STXBP5L: variants seen among roughly 807,000 people sequenced by gnomAD.
STXBP5L encodes syntaxin-binding protein 5-like.
Under a neutral mutation model 144.5 loss-of-function variants are expected in STXBP5L, and 65 were observed. That is an observed-to-expected ratio of 0.45 (90% CI 0.37 to 0.55). The LOEUF (loss-of-function observed/expected upper bound fraction) is 0.55. Ranked by LOEUF, STXBP5L falls within the 20% of genes least tolerant of loss-of-function variation. The probability of loss-of-function intolerance (pLI) is 0.00; values close to 1 mark genes in which losing one functional copy is unlikely to be tolerated. For synonymous variants in STXBP5L, 505 were observed against 469.6 expected (o/e 1.08, Z -0.97); for missense variants, 1,298 against 1,405.5 (o/e 0.92, Z 1.22).
chr3:121,051,074 G>C (rs1947944103), intron 5 of STXBP5L, among the ~76,000 whole-genome samples: 2 of 152,166 alleles, frequency 1.3e-5, no homozygotes, highest in African/African-American at 4.8e-5. Flanking sequence ...GGAGCACCCA[G>C]ATTCATAAAG....
intron 23 of STXBP5L, among the ~76,000 whole-genome samples, chr3:121,407,894 T>C (rs1029758725): frequency 1.3e-5 from 2 of 152,032 alleles, no homozygotes; most frequent in Non-Finnish European, 2.9e-5. Flanking sequence ...TCAACAAATA[T>C]TTATTGAGCA....
At chr3:121,132,912 C>G (rs1164892334) in intron 7 of STXBP5L, among the ~76,000 whole-genome samples, 1 of 152,056 alleles carries the variant, frequency 6.6e-6, no homozygotes, top group South Asian at 2.1e-4. Flanking sequence ...AACCCAAAGA[C>G]AGGTAACTAG....
intron 19 of STXBP5L, among the ~76,000 whole-genome samples, chr3:121,293,132 C>A (rs2051508718): frequency 6.6e-6 from 1 of 151,842 alleles, no homozygotes; most frequent in South Asian, 2.1e-4. Context: ...CTCTGCTCCG[C>A]AATAAAAAAG....
At chr3:121,274,455 T>G (rs1179035585) in intron 18 of STXBP5L, among the ~76,000 whole-genome samples, 1 of 152,266 alleles carries the variant, frequency 6.6e-6, no homozygotes, top group African/African-American at 2.4e-5. Flanking sequence ...GAGTTTCTCC[T>G]ATTCAACTTT....
At chr3:121,347,416 G>A (rs949535604) in intron 20 of STXBP5L, among the ~76,000 whole-genome samples, 6 of 152,146 alleles carry the variant, frequency 3.9e-5, no homozygotes, top group Non-Finnish European at 7.4e-5. Context: ...TCTTGGCTTA[G>A]GATTGACTTG....
intron 3 of STXBP5L, among the ~76,000 whole-genome samples, chr3:120,961,091 T>C (rs1235962670): frequency 5.9e-5 from 9 of 152,218 alleles, no homozygotes; most frequent in African/African-American, 1.9e-4. Context: ...TTCTTTGAAG[T>C]TTTAAAATTT....
At chr3:121,305,831 G>C (rs1577410400) in intron 19 of STXBP5L, among the ~76,000 whole-genome samples, 3 of 152,018 alleles carry the variant, frequency 2.0e-5, no homozygotes, top group Admixed American at 2.0e-4. Flanking sequence ...CTAAAGATTA[G>C]AAAGAAAATT....
chr3:120,992,387 T>G (rs1398568965), intron 3 of STXBP5L, among the ~76,000 whole-genome samples: 1 of 152,144 alleles, frequency 6.6e-6, no homozygotes, highest in Non-Finnish European at 1.5e-5. Context: ...TATTGAACAT[T>G]AGACCTCATT....
intron 2 of STXBP5L, among the ~76,000 whole-genome samples, chr3:120,950,803 A>T (rs1711169920): frequency 6.6e-6 from 1 of 152,180 alleles, no homozygotes; most frequent in Admixed American, 6.6e-5. Context: ...GGAAAAAACT[A>T]CTTTAAAGTT....
chr3:121,039,438 A>T (rs1688677), intron 3 of STXBP5L, among the ~76,000 whole-genome samples: 32,374 of 151,804 alleles, frequency 0.21, 3,678 homozygotes, highest in Non-Finnish European at 0.26. Flanking sequence ...GTTATAAACC[A>T]CAAATGTACT....
intron 2 of STXBP5L, among the ~76,000 whole-genome samples, chr3:120,925,420 T>TTGTC (rs1334959623): frequency 6.6e-6 from 1 of 152,204 alleles, no homozygotes; most frequent in Non-Finnish European, 1.5e-5. Flanking sequence ...GTGATCTTCT[T>TTGTC]TGTCTGTTTT....
intron 3 of STXBP5L, among the ~76,000 whole-genome samples, chr3:121,032,189 T>C (rs959524418): frequency 6.6e-6 from 1 of 150,584 alleles, no homozygotes; most frequent in Non-Finnish European, 1.5e-5. Flanking sequence ...GAAAAGAATG[T>C]AGGAAAATAT....
intron 5 of STXBP5L, among the ~76,000 whole-genome samples, chr3:121,074,038 T>A (rs1431029836): frequency 6.6e-6 from 1 of 152,152 alleles, no homozygotes; most frequent in Non-Finnish European, 1.5e-5. Context: ...CAGCCAACAA[T>A]ACATCATCCA....
chr3:121,366,091 T>C (rs35827958), intron 20 of STXBP5L, among the ~76,000 whole-genome samples: 5,136 of 152,108 alleles, frequency 0.034, 125 homozygotes, highest in Middle Eastern at 0.075. Flanking sequence ...CTGTTATTGA[T>C]TTCTAACTTC....
intron 18 of STXBP5L, among the ~76,000 whole-genome samples, chr3:121,259,758 A>G (rs952022533): frequency 2.3e-4 from 35 of 151,126 alleles, no homozygotes; most frequent in African/African-American, 8.0e-4. Flanking sequence ...GGGTCACATT[A>G]TATTATGTTC....
intron 20 of STXBP5L, among the ~76,000 whole-genome samples, chr3:121,344,788 T>A (rs1039373653): frequency 6.6e-6 from 1 of 151,706 alleles, no homozygotes; most frequent in African/African-American, 2.4e-5. Context: ...AATTTCACCT[T>A]TCATAAAGGG....
chr3:121,010,213 A>G (rs981045849), intron 3 of STXBP5L, among the ~76,000 whole-genome samples: 2 of 151,814 alleles, frequency 1.3e-5, no homozygotes, highest in African/African-American at 2.4e-5. Flanking sequence ...TCAGCAGTAC[A>G]TAATTATTTA....
At chr3:121,144,785 T>A (rs2045651910) in intron 7 of STXBP5L, among the ~76,000 whole-genome samples, 1 of 151,952 alleles carries the variant, frequency 6.6e-6, no homozygotes, top group Non-Finnish European at 1.5e-5. Context: ...CGTGTACCTA[T>A]AATACACGTG....
chr3:120,986,246 G>C (rs1942275763), intron 3 of STXBP5L, among the ~76,000 whole-genome samples: 1 of 151,902 alleles, frequency 6.6e-6, no homozygotes, highest in Non-Finnish European at 1.5e-5. Context: ...TGTGGCTGGA[G>C]AAGATCCTTT....
Sources: allele counts gnomAD v4.1 joint callset (sites outside exome capture counted in the v4.1 genomes callset), GRCh38; gene constraint gnomAD v4.1.1; transcripts MANE v1.5; gene names NCBI Gene and HGNC (gene_info 2026-07-23, HGNC 2026-07-21).